Variants in SLC23A2 observed in about 807,000 individuals in gnomAD.
The protein encoded by SLC23A2 is solute carrier family 23 member 2.
SLC23A2 carries 36 observed loss-of-function variants against 73.3 expected under a neutral mutation model. The observed-to-expected ratio is 0.49, with a 90% CI of 0.38 to 0.65. The LOEUF (loss-of-function observed/expected upper bound fraction) is 0.65. SLC23A2 is among the 30% of genes least tolerant of loss of function. SLC23A2 has a pLI of 0.00. For missense variants in SLC23A2, 507 were observed against 841.6 expected (o/e 0.60, Z 4.92); for synonymous variants, 343 against 327.3 (o/e 1.05, Z -0.52).
intron 1 of SLC23A2, among the ~76,000 whole-genome samples, chr20:5,007,105 C>CGTATAGCATGTATACCACGTAG (rs2088200211): frequency 1.3e-5 from 2 of 152,064 alleles, no homozygotes; most frequent in East Asian, 3.9e-4. Flanking sequence ...AGATAGGCAC[C>CGTATAGCATGTATACCACGTAG]GTATAGCATG....
intron 2 of SLC23A2, among the ~76,000 whole-genome samples, chr20:4,957,875 T>C (rs570569253): frequency 7.7e-5 from 11 of 142,200 alleles, no homozygotes; most frequent in South Asian, 2.2e-4. Flanking sequence ...CACTCCAGCC[T>C]GGGCAACAGA....
At chr20:4,992,605 G>A (rs1002669778) in intron 1 of SLC23A2, among the ~76,000 whole-genome samples, 1 of 150,120 alleles carries the variant, frequency 6.7e-6, no homozygotes, top group Non-Finnish European at 1.5e-5. Flanking sequence ...CCACCTCCCG[G>A]GTTCGAGTGA....
chr20:4,905,767 C>T (rs1167044350), intron 4 of SLC23A2, among the ~76,000 whole-genome samples: 1 of 152,186 alleles, frequency 6.6e-6, no homozygotes, highest in African/African-American at 2.4e-5. Context: ...AAGGACCATA[C>T]AGTAAATATT....
At chr20:4,937,374 G>A (rs747984326) in intron 2 of SLC23A2, among the ~76,000 whole-genome samples, 3 of 152,150 alleles carry the variant, frequency 2.0e-5, no homozygotes, top group Non-Finnish European at 4.4e-5. Context: ...GAAAGAGAAT[G>A]AGCAAATCCA....
chr20:4,959,474 T>G (rs912705270), intron 2 of SLC23A2, among the ~76,000 whole-genome samples: 4 of 152,088 alleles, frequency 2.6e-5, no homozygotes, highest in Non-Finnish European at 5.9e-5. Context: ...TGTACATAAA[T>G]GTTAATAATG....
At chr20:4,954,698 CAAA>C (rs200579910) in intron 2 of SLC23A2, among the ~76,000 whole-genome samples, 2 of 55,114 alleles carry the variant, frequency 3.6e-5, no homozygotes, top group Admixed American at 1.9e-4. Flanking sequence ...GACTCCATCA[CAAA>C]AAAAAAAAAA....
At chr20:4,949,236 C>T (rs1036879568) in intron 2 of SLC23A2, among the ~76,000 whole-genome samples, 1 of 147,330 alleles carries the variant, frequency 6.8e-6, no homozygotes, top group East Asian at 2.0e-4. Context: ...TGCAGTGAGC[C>T]GAGATCGCAC....
At chr20:4,949,742 CAG>C (rs2087171007) in intron 2 of SLC23A2, among the ~76,000 whole-genome samples, 1 of 152,142 alleles carries the variant, frequency 6.6e-6, no homozygotes, top group South Asian at 2.1e-4. Context: ...CACATGGAAA[CAG>C]ATACACGCAG....
chr20:4,863,709 C>T lies in SLC23A2; in HGVS notation c.1357-802G>A, dbSNP rs991251999. On this transcript the variant is annotated intron_variant, in intron 13 of 16. Transcript: ENST00000338244. This position sits in a 1 kb window ranked among gnomAD's most constrained non-coding sequence, Gnocchi z 4.8. Reference sequence around the variant, plus strand: ...GGTACTCATGAAATAAAGCCCACTTCTCAGGCTCTTTCCAAGCACACCAGG... The same window carrying T: ...GGTACTCATGAAATAAAGCCCACTTTTCAGGCTCTTTCCAAGCACACCAGG... Among the ~76,000 whole-genome samples, 1 of 152,152 alleles carries T rather than the reference C, an allele frequency of 6.6e-6. No individual in the cohort carries two copies. Among genetic ancestry groups the T allele is most frequent in the Non-Finnish European group, 1.5e-5 (1 of 68,036 alleles).
chr20:4,978,076 C>T (rs866955154), intron 1 of SLC23A2, among the ~76,000 whole-genome samples: 5 of 152,050 alleles, frequency 3.3e-5, no homozygotes, highest in Non-Finnish European at 7.4e-5. Flanking sequence ...AATTTACTCC[C>T]GTATTATAAA....
chr20:4,859,507 A>AC, intron 15 of SLC23A2, 123 bp from the exon 16 acceptor site: 1 of 716,676 alleles, frequency 1.4e-6, no homozygotes, highest in Non-Finnish European at 2.6e-6. Flanking sequence ...GAAAGTGTAC[A>AC]TTTCTTAGTT....
chr20:4,910,551 C>T (rs1296481527), intron 4 of SLC23A2, among the ~76,000 whole-genome samples: 1 of 152,120 alleles, frequency 6.6e-6, no homozygotes, highest in Non-Finnish European at 1.5e-5. Context: ...CTGCCTCAGC[C>T]TCCCAAATAG....
intron 1 of SLC23A2, among the ~76,000 whole-genome samples, chr20:4,994,435 G>A (rs2087982781): frequency 6.6e-6 from 1 of 152,140 alleles, no homozygotes; most frequent in Non-Finnish European, 1.5e-5. Context: ...CTGGAGAGGA[G>A]TCAATAAAGC....
chr20:4,983,372 C>G (rs558278195), intron 1 of SLC23A2, among the ~76,000 whole-genome samples: 12 of 151,964 alleles, frequency 7.9e-5, no homozygotes, highest in African/African-American at 2.4e-4. Flanking sequence ...GCAGGCTGGG[C>G]GCAGTGGCTC....
At chr20:4,858,745 C>G (rs897171769) in intron 16 of SLC23A2, among the ~76,000 whole-genome samples, 6 of 152,288 alleles carry the variant, frequency 3.9e-5, no homozygotes, top group African/African-American at 1.4e-4. Context: ...TATCCATAAA[C>G]AGGGATCATG....
At chr20:5,004,773 G>T (rs555611768), upstream of SLC23A2, among the ~76,000 whole-genome samples, 3 of 152,192 alleles carry the variant, frequency 2.0e-5, no homozygotes, top group Non-Finnish European at 2.9e-5. Context: ...GCCGAGGCAG[G>T]TGGATCACCT....
intron 3 of SLC23A2, among the ~76,000 whole-genome samples, chr20:4,918,320 C>T (rs920104000): frequency 8.5e-5 from 13 of 152,142 alleles, no homozygotes; most frequent in Non-Finnish European, 1.6e-4. Flanking sequence ...AAACTAAACT[C>T]GTGGCCTTAA....
intron 1 of SLC23A2, among the ~76,000 whole-genome samples, chr20:5,000,126 G>A: frequency 6.6e-6 from 1 of 152,102 alleles, no homozygotes. Context: ...GACCCTGATA[G>A]AGCCAACCAT....
chr20:4,977,527 C>T (rs2087661989), intron 1 of SLC23A2, among the ~76,000 whole-genome samples: 1 of 151,554 alleles, frequency 6.6e-6, no homozygotes, highest in Admixed American at 6.6e-5. Flanking sequence ...CCATCCCCGA[C>T]TCTACTAAAA....
Sources: gnomAD v4.1 joint callset for allele counts (sites outside exome capture counted in the v4.1 genomes callset) on GRCh38, gnomAD v4.1.1 for gene constraint, Gnocchi (gnomAD v3.1) non-coding constraint, MANE v1.5 for transcripts, NCBI Gene and HGNC (gene_info 2026-07-23, HGNC 2026-07-21) for gene names.